The following UGT1A4 variants were observed in gnomAD, a reference collection of about 807,000 sequenced individuals.
UGT1A4 encodes the protein UDP-glucuronosyltransferase 1A4.
A neutral mutation model predicts 41.1 loss-of-function variants in UGT1A4; 32 were observed. The observed-to-expected ratio is 0.78, with a 90% CI of 0.59 to 1.05. The LOEUF (loss-of-function observed/expected upper bound fraction) is 1.05, where lower values mean the gene tolerates loss of function less well. UGT1A4 is among the 50% of genes least tolerant of loss of function. The probability of loss-of-function intolerance (pLI) is 0.00; values close to 1 mark genes in which losing one functional copy is unlikely to be tolerated. For synonymous variants in UGT1A4, 283 were observed against 265.1 expected, an observed-to-expected ratio of 1.07 and a Z score of -0.66; for missense variants, 748 against 677.4, an observed-to-expected ratio of 1.10 and a Z score of -1.16.
At chr2:233,725,255 A>AGAG in intron 1 of UGT1A4, among the ~76,000 whole-genome samples, 1 of 64,006 alleles carries the variant, frequency 1.6e-5, no homozygotes, top group African/African-American at 1.3e-4. Context: ...CAGAGGAGGC[A>AGAG]GAGGCAGAGG....
Position 233,718,781 on chromosome 2 carries a change from G to T in UGT1A4, c.-40G>T, listed in dbSNP as rs767988524. ...GAAGGAAACAAATGTAGCAGGCACA[G>T]CGTGGGGTGGACAGTCAGCTGTCGG... On this transcript the variant is annotated 5_prime_UTR_variant, in exon 1 of 5. Transcript: ENST00000373409. The T allele has an allele frequency of 1.3e-5, 21 of 1,613,022 alleles. No homozygotes were observed. The highest frequency in any genetic ancestry group is 1.7e-5 in the Non-Finnish European group (20 of 1,180,010).
chr2:233,770,723 A>G (rs1412747955), intron 4 of UGT1A4: 1 of 152,146 alleles, frequency 6.6e-6, no homozygotes, highest in African/African-American at 2.4e-5. Context: ...AAGGAAGATG[A>G]TATTTAACAT....
At chr2:233,761,660 C>T (rs998044886) in intron 1 of UGT1A4, among the ~76,000 whole-genome samples, 2 of 152,246 alleles carry the variant, frequency 1.3e-5, no homozygotes, top group African/African-American at 4.8e-5. Flanking sequence ...ATGAGTGAAT[C>T]ACCAGACAGT....
At chr2:233,733,982 G>A (rs1360923030) in intron 1 of UGT1A4, among the ~76,000 whole-genome samples, 2 of 152,070 alleles carry the variant, frequency 1.3e-5, no homozygotes, top group Non-Finnish European at 2.9e-5. Flanking sequence ...GGGAGGGATA[G>A]CATTAGGAGA....
intron 1 of UGT1A4, among the ~76,000 whole-genome samples, chr2:233,745,254 T>TA (rs1247734907): frequency 2.6e-5 from 4 of 151,822 alleles, no homozygotes; most frequent in African/African-American, 9.7e-5. Flanking sequence ...TCGAAACCAT[T>TA]AAGACTTGCA....
chr2:233,738,005 T>G (rs1333736742), intron 1 of UGT1A4, among the ~76,000 whole-genome samples: 1 of 152,062 alleles, frequency 6.6e-6, no homozygotes, highest in Non-Finnish European at 1.5e-5. Flanking sequence ...CCACCAAATC[T>G]CATCTTGAAT....
rs1208315583 is a variant in UGT1A4, at chr2:233,737,341, G to A, written c.867+17654G>A. 7.9e-5 allele frequency among the ~76,000 whole-genome samples: 12 copies of A among 152,224 alleles called. No homozygotes were observed. In the East Asian group the frequency reaches 2.1e-3, roughly 27 times the overall value. On this transcript the variant is annotated intron_variant, in intron 1 of 4. Coordinates refer to ENST00000373409, the MANE Select transcript of UGT1A4 (RefSeq NM_007120.3). ...CTGCACTAGCAGTGAGCAAGGCTCCGTGGGCATGGGAGCTGCTAAGCCAGG... is the reference window on the plus strand; with the variant it reads ...CTGCACTAGCAGTGAGCAAGGCTCCATGGGCATGGGAGCTGCTAAGCCAGG...
intron 1 of UGT1A4, among the ~76,000 whole-genome samples, chr2:233,749,910 CTG>C: frequency 6.6e-6 from 1 of 152,052 alleles, no homozygotes; most frequent in Non-Finnish European, 1.5e-5. Context: ...CCACCTGGAA[CTG>C]TGAGTCAATT....
chr2:233,755,300 G>C (rs149465290), intron 1 of UGT1A4: 2 of 608,528 alleles, frequency 3.3e-6, no homozygotes, highest in African/African-American at 3.8e-5. Flanking sequence ...GCGGGGCACT[G>C]GCACAGCGAG....
intron 2 of UGT1A4, 109 bp downstream of exon 2, chr2:233,767,274 T>C (rs1575825821): frequency 5.7e-6 from 9 of 1,580,016 alleles, no homozygotes. Context: ...ATTTGGCTTT[T>C]CCCTGCCACT....
At chr2:233,764,986 G>A (rs1698720585) in intron 1 of UGT1A4, among the ~76,000 whole-genome samples, 1 of 152,106 alleles carries the variant, frequency 6.6e-6, no homozygotes. Flanking sequence ...CAGTGTCTGG[G>A]GCTTTCCTGG....
rs1236460241 is a variant in UGT1A4 at position 233,729,022 on chromosome 2, G to T, written c.867+9335G>T. ...AGGGCACTCTGTCTTCCAATTACAC[G>T]TTGATTTGCTAAGTGGCTCAGTGAC... On this transcript the variant is annotated intron_variant, in intron 1 of 4. Transcript: ENST00000373409. The T allele has an allele frequency of 3.8e-6, 6 of 1,594,546 alleles. No individual in the cohort carries two copies. The East Asian group carries it at 1.1e-4, about 30-fold the overall frequency.
chr2:233,723,731 T>A lies in UGT1A4; in HGVS notation c.867+4044T>A, dbSNP rs1266221554. ...CTTGAGATTAGGGATTGGTGATGAC[T>A]CTTAACGAGCATGCTGCCTTCAAGC... On this transcript the variant is annotated intron_variant, in intron 1 of 4. Coordinates refer to ENST00000373409, the MANE Select transcript of UGT1A4 (RefSeq NM_007120.3). Among the ~76,000 whole-genome samples, 3 of 78,960 alleles carry A rather than the reference T, an allele frequency of 3.8e-5. 1 individual carries two copies. The highest frequency in any genetic ancestry group is 6.7e-5 in the Non-Finnish European group (3 of 44,612). The allele number at this position is 78,960 out of a possible 152,430, so 51.8% of individuals were successfully genotyped here. A position where few individuals can be genotyped will look rare whatever the true frequency, so the allele number is the denominator to read the frequency against.
intron 4 of UGT1A4, chr2:233,771,538 C>A (rs1369830347): frequency 1.3e-5 from 2 of 152,274 alleles, no homozygotes; most frequent in Non-Finnish European, 2.9e-5. Context: ...GGATTTGGCA[C>A]TTACAAATGG....
At chr2:233,727,846 T>C (rs1234756694) in intron 1 of UGT1A4, among the ~76,000 whole-genome samples, 1 of 152,150 alleles carries the variant, frequency 6.6e-6, no homozygotes, top group East Asian at 1.9e-4. Context: ...TGTGGAGTAA[T>C]TTCCTCCCTA....
chr2:233,746,231 A>C, intron 1 of UGT1A4, among the ~76,000 whole-genome samples: 1 of 151,848 alleles, frequency 6.6e-6, no homozygotes, highest in Non-Finnish European at 1.5e-5. Context: ...AGATATGCAA[A>C]CTGCTAAAAG....
chr2:233,755,882 G>A (rs1696054394), intron 1 of UGT1A4: 2 of 152,208 alleles, frequency 1.3e-5, no homozygotes, highest in Non-Finnish European at 2.9e-5. Context: ...ACCTTTTTAT[G>A]TAACTTTTTT....
rs140687237 is a variant in UGT1A4 at position 233,731,471 on chromosome 2, T to A, written c.867+11784T>A. ...CCACAACAGGCCCTGGCGTGTGATG[T>A]TCCCTGGCCTGTGTCCAGTGTTCTT... On this transcript the variant is annotated intron_variant, in intron 1 of 4. Transcript: ENST00000373409. Among the ~76,000 whole-genome samples, 413 of 152,262 alleles carry A rather than the reference T, an allele frequency of 2.7e-3. 1 individual carries two copies. Among genetic ancestry groups the A allele is most frequent in the South Asian group, 0.017 (82 of 4,820 alleles).
intron 1 of UGT1A4, chr2:233,755,911 G>A (rs1696063109): frequency 6.6e-6 from 1 of 151,336 alleles, no homozygotes; most frequent in African/African-American, 2.4e-5. Context: ...AATGTAGTGA[G>A]AAGAGTGGCA....
Sources: allele counts gnomAD v4.1 joint callset (sites outside exome capture counted in the v4.1 genomes callset), GRCh38; gene constraint gnomAD v4.1.1; transcripts MANE v1.5; gene names NCBI Gene and HGNC (gene_info 2026-07-23, HGNC 2026-07-21).